Variants in CACNA1A observed in about 807,000 individuals in gnomAD.
CACNA1A encodes the protein calcium voltage-gated channel subunit alpha1 A, also known as voltage-dependent P/Q-type calcium channel subunit alpha-1A.
Under a neutral mutation model 262.4 loss-of-function variants are expected in CACNA1A, and 57 were observed. The ratio of observed to expected loss-of-function variants is 0.22; its 90% CI spans 0.18 to 0.27. The LOEUF is 0.27. CACNA1A is among the 10% of genes least tolerant of loss of function. CACNA1A has a pLI of 1.00. For missense variants in CACNA1A, 2,526 were observed against 3,562.8 expected, an observed-to-expected ratio of 0.71 and a Z score of 7.41; for synonymous variants, 1,431 against 1,419.3, an observed-to-expected ratio of 1.01 and a Z score of -0.18.
chr19:13,257,644 G>T, intron 27 of CACNA1A, 93 bp from the exon 28 acceptor site: 1 of 669,144 alleles, frequency 1.5e-6, no homozygotes, highest in South Asian at 2.5e-5. Flanking sequence ...GGGTGGAAGT[G>T]AGATGGCAGA....
chr19:13,378,074 C>T (rs531738895), intron 3 of CACNA1A, among the ~76,000 whole-genome samples: 4 of 152,256 alleles, frequency 2.6e-5, no homozygotes, highest in Non-Finnish European at 4.4e-5. Context: ...AAGTCAATTC[C>T]GATCCTCATG....
rs73922399 is a variant in CACNA1A, at chr19:13,427,624, T to C, written c.539+25252A>G. Among the ~76,000 whole-genome samples, 1,084 of 152,226 alleles carry C rather than the reference T, an allele frequency of 7.1e-3. 16 individuals are homozygous for C. Among genetic ancestry groups the C allele is most frequent in the African/African-American group, 0.024 (1,017 of 41,520 alleles). ...TCCTCTCTCTATGCTTTGATCTCTCTCTCTCCATAAAATGTGGATCATGAA... is the reference window on the plus strand; with the variant it reads ...TCCTCTCTCTATGCTTTGATCTCTCCCTCTCCATAAAATGTGGATCATGAA... On this transcript the variant is annotated intron_variant, in intron 3 of 46. Coordinates refer to ENST00000360228, the MANE Select transcript of CACNA1A (RefSeq NM_001127222.2).
intron 10 of CACNA1A, among the ~76,000 whole-genome samples, chr19:13,329,486 CTTTT>C (rs35821858): frequency 4.0e-5 from 5 of 123,822 alleles, no homozygotes; most frequent in East Asian, 2.3e-4. Context: ...TGGTTTGTGT[CTTTT>C]TTTTTTTTTT....
chr19:13,255,864 T>TCTCTCTTCTTCCTTCTTTCCTTC (rs1491100164), intron 28 of CACNA1A, among the ~76,000 whole-genome samples: 4 of 141,226 alleles, frequency 2.8e-5, no homozygotes, highest in Non-Finnish European at 6.1e-5. Context: ...TCCTTTCCTT[T>TCTCTCTTCTTCCTTCTTTCCTTC]CTCTCTTCTT....
At chr19:13,459,884 G>A (rs1448157990) in intron 1 of CACNA1A, among the ~76,000 whole-genome samples, 1 of 152,116 alleles carries the variant, frequency 6.6e-6, no homozygotes, top group Non-Finnish European at 1.5e-5. Context: ...GCAATATCAG[G>A]GTTTCAACTG....
chr19:13,247,795 G>C (rs889840559), intron 30 of CACNA1A, among the ~76,000 whole-genome samples: 3 of 152,080 alleles, frequency 2.0e-5, no homozygotes, highest in Non-Finnish European at 4.4e-5. Flanking sequence ...GGTGTTGCTG[G>C]GGCCCTGCCC....
chr19:13,369,901 CAA>C (rs958043121), intron 4 of CACNA1A, among the ~76,000 whole-genome samples: 3 of 152,120 alleles, frequency 2.0e-5, no homozygotes, highest in African/African-American at 7.2e-5. Flanking sequence ...CTTCTTTCTA[CAA>C]AAAGATCCTG....
chr19:13,497,567 TATATATATATATAA>T (rs1568710036), intron 1 of CACNA1A, among the ~76,000 whole-genome samples: 2 of 37,082 alleles, frequency 5.4e-5, no homozygotes, highest in African/African-American at 2.2e-4. Flanking sequence ...TATATATATA[TATATATATATATAA>T]ATTTATGTTG....
At chr19:13,292,602 C>T (rs943715588) in intron 19 of CACNA1A, among the ~76,000 whole-genome samples, 2 of 151,280 alleles carry the variant, frequency 1.3e-5, no homozygotes, top group African/African-American at 2.4e-5. Context: ...GATGACAAAG[C>T]GAGACCATGT....
chr19:13,293,707 C>T (rs1324788336), intron 19 of CACNA1A, among the ~76,000 whole-genome samples: 3 of 151,038 alleles, frequency 2.0e-5, no homozygotes, highest in Non-Finnish European at 4.4e-5. Flanking sequence ...CCGCTCACCT[C>T]GGCCTCCCAA....
intron 3 of CACNA1A, among the ~76,000 whole-genome samples, chr19:13,406,488 T>C (rs1391077596): frequency 2.0e-5 from 2 of 101,780 alleles, no homozygotes; most frequent in African/African-American, 4.3e-5. Flanking sequence ...TATATATATA[T>C]ATATATATAT....
intron 7 of CACNA1A, 102 bp from the exon 8 acceptor site, chr19:13,334,595 G>GTGTGTT: frequency 1.8e-5 from 1 of 56,912 alleles, no homozygotes; most frequent in African/African-American, 6.4e-5. Context: ...GTGTGTGTTT[G>GTGTGTT]TGTGTGTGTG....
intron 19 of CACNA1A, among the ~76,000 whole-genome samples, chr19:13,288,332 T>C (rs2057454988): frequency 6.6e-6 from 1 of 152,010 alleles, no homozygotes; most frequent in Middle Eastern, 3.4e-3. Flanking sequence ...CTCTGCCTCG[T>C]GGATTCAAGT....
At chr19:13,400,002 G>T (rs188500441) in intron 3 of CACNA1A, among the ~76,000 whole-genome samples, 21 of 152,180 alleles carry the variant, frequency 1.4e-4, no homozygotes, top group East Asian at 1.9e-4. Flanking sequence ...TGTAAAATGG[G>T]GAGAGTAAAA....
intron 3 of CACNA1A, among the ~76,000 whole-genome samples, chr19:13,388,936 C>T (rs1283944684): frequency 6.6e-6 from 1 of 151,970 alleles, no homozygotes; most frequent in Non-Finnish European, 1.5e-5. Context: ...GAGTTTTGCT[C>T]TTGTCACCCA....
chr19:13,214,221 C>T lies in CACNA1A; in HGVS notation c.5940+12G>A, dbSNP rs780841537. 88 of 1,599,064 alleles carry T rather than the reference C, an allele frequency of 5.5e-5. No individual in the cohort carries two copies. The highest frequency in any genetic ancestry group is 1.7e-4 in the Admixed American group (10 of 59,030). ...CCCAGCCCAGATGTCCCCAGAGCGG[C>T]GAACAGCGCACCTGCTCCTCGCGCA... On this transcript the variant is annotated intron_variant, in intron 40 of 46. Coordinates refer to ENST00000360228, the MANE Select transcript of CACNA1A (RefSeq NM_001127222.2). The surrounding 1 kb of genome is among the most constrained non-coding windows in gnomAD (Gnocchi z 4.1).
rs1190805579 is a variant in CACNA1A at position 13,206,646 on chromosome 19, A to T, written c.*667T>A. On this transcript the variant is annotated 3_prime_UTR_variant, in exon 47 of 47. Transcript: ENST00000360228. ...AAAATGCCTCTTTTCTCAATCATTA[A>T]TTTTTTTGTCCTTTTTAAAATTGTT... 1 of 151,578 alleles carries T rather than the reference A, an allele frequency of 6.6e-6. No individual in the cohort carries two copies. The highest frequency in any genetic ancestry group is 1.5e-5 in the Non-Finnish European group (1 of 67,962). 9.4% of individuals were successfully genotyped at this position (151,578 alleles called of 1,614,324 possible). A position where few individuals can be genotyped will look rare whatever the true frequency, so the allele number is the denominator to read the frequency against.
rs60742009 is a variant in CACNA1A, at chr19:13,234,048, T to TAAAAA, written c.5249+868_5249+872dup. Among the ~76,000 whole-genome samples, 60 of 102,322 alleles carry TAAAAA rather than the reference T, an allele frequency of 5.9e-4. 1 individual carries two copies. The highest frequency in any genetic ancestry group is 2.0e-3 in the African/African-American group (50 of 25,102). 67.1% of individuals were successfully genotyped at this position (102,322 alleles called of 152,430 possible). A position where few individuals can be genotyped will look rare whatever the true frequency, so the allele number is the denominator to read the frequency against. Reference sequence around the variant, plus strand: ...CTGGGCAACAGAGAGAGACTCCATCTAAAAAAAAAAAAAAAAAAGGGCTGG... The same window carrying TAAAAA: ...CTGGGCAACAGAGAGAGACTCCATCTAAAAAAAAAAAAAAAAAAAAAAAGGGCTGG... On this transcript the variant is annotated intron_variant, in intron 34 of 46. Coordinates refer to ENST00000360228, the MANE Select transcript of CACNA1A (RefSeq NM_001127222.2).
chr19:13,408,981 C>T (rs1353573772), intron 3 of CACNA1A, among the ~76,000 whole-genome samples: 2 of 152,096 alleles, frequency 1.3e-5, no homozygotes, highest in African/African-American at 2.4e-5. Flanking sequence ...ATAGACATAC[C>T]GACTTCATGC....
Sources: gnomAD v4.1 joint callset for allele counts (sites outside exome capture counted in the v4.1 genomes callset) on GRCh38, gnomAD v4.1.1 for gene constraint, Gnocchi (gnomAD v3.1) non-coding constraint, MANE v1.5 for transcripts, NCBI Gene and HGNC (gene_info 2026-07-23, HGNC 2026-07-21) for gene names.